The following NBEAL1 variants were observed in gnomAD, a reference collection of about 807,000 sequenced individuals.
The protein encoded by NBEAL1 is neurobeachin-like protein 1.
NBEAL1 carries 273 observed loss-of-function variants against 351.3 expected under a neutral mutation model. That is an observed-to-expected ratio of 0.78 (90% CI 0.70 to 0.86). The LOEUF (loss-of-function observed/expected upper bound fraction) is 0.86, where lower values mean the gene tolerates loss of function less well. NBEAL1 is among the 40% of genes least tolerant of loss of function. The pLI, the probability that NBEAL1 is intolerant of heterozygous loss-of-function variation, is 0.00. For missense variants in NBEAL1, 2,961 were observed against 3,201.3 expected, an observed-to-expected ratio of 0.92 and a Z score of 1.81; for synonymous variants, 1,050 against 1,086.4, an observed-to-expected ratio of 0.97 and a Z score of 0.66.
At chr2:203,142,653 A>G (rs1186831488) in intron 31 of NBEAL1, among the ~76,000 whole-genome samples, 2 of 152,252 alleles carry the variant, frequency 1.3e-5, no homozygotes, top group African/African-American at 2.4e-5. Flanking sequence ...ATTTAATTTA[A>G]TGACATTAAG....
chr2:203,209,331 C>A lies in NBEAL1; in HGVS notation c.7785+9C>A, dbSNP rs2065706215. ...AAAAGACCACCCTCAAGGTATATGA[C>A]CTTTCATGCAATAGAGGTAGACTCC... On this transcript the variant is annotated intron_variant, in intron 53 of 55. Coordinates refer to ENST00000683969, the MANE Select transcript of NBEAL1 (RefSeq NM_001378026.1). 2.5e-6 allele frequency: 4 copies of A among 1,607,750 alleles called. No individual in the cohort carries two copies. Among genetic ancestry groups the A allele is most frequent in the Non-Finnish European group, 3.4e-6 (4 of 1,174,726 alleles).
chr2:203,021,261 C>T (rs1054384632), intron 2 of NBEAL1, among the ~76,000 whole-genome samples: 1 of 151,480 alleles, frequency 6.6e-6, no homozygotes, highest in Non-Finnish European at 1.5e-5. Flanking sequence ...GGATTACAGG[C>T]GTGAGCCACT....
At chr2:203,020,918 GT>G (rs1041423246) in intron 2 of NBEAL1, among the ~76,000 whole-genome samples, 2 of 152,066 alleles carry the variant, frequency 1.3e-5, no homozygotes, top group Admixed American at 1.3e-4. Flanking sequence ...TAAGTATACA[GT>G]TTTTTGTTTG....
chr2:203,172,626 G>A (rs1326969186), intron 40 of NBEAL1, 103 bp from the exon 41 acceptor site: 16 of 975,446 alleles, frequency 1.6e-5, no homozygotes, highest in Non-Finnish European at 2.3e-5. Context: ...AATATTTTTA[G>A]AGACTATCCC....
chr2:203,093,371 A>T (rs919386749), intron 10 of NBEAL1, among the ~76,000 whole-genome samples: 4 of 152,146 alleles, frequency 2.6e-5, no homozygotes, highest in African/African-American at 9.7e-5. Context: ...TCTGATATGA[A>T]TATCTTTTTA....
intron 55 of NBEAL1, among the ~76,000 whole-genome samples, chr2:203,215,266 C>T (rs1380450268): frequency 3.9e-5 from 6 of 151,956 alleles, no homozygotes; most frequent in East Asian, 1.9e-4. Context: ...TTTGGGAGGC[C>T]GAGGTGGGCG....
chr2:203,104,192 A>T (rs888245417), intron 12 of NBEAL1, among the ~76,000 whole-genome samples: 1 of 151,948 alleles, frequency 6.6e-6, no homozygotes, highest in African/African-American at 2.4e-5. Flanking sequence ...GTCCAAGTAT[A>T]CTGTAGGTCT....
chr2:203,117,578 T>G (rs2062728949), intron 18 of NBEAL1, among the ~76,000 whole-genome samples: 1 of 152,214 alleles, frequency 6.6e-6, no homozygotes, highest in Non-Finnish European at 1.5e-5. Context: ...TCCCAGTTCT[T>G]TTGTTTCTCC....
chr2:203,166,580 C>G (rs2064138881), intron 37 of NBEAL1, among the ~76,000 whole-genome samples: 1 of 152,088 alleles, frequency 6.6e-6, no homozygotes, highest in African/African-American at 2.4e-5. Context: ...GAGTTCCACT[C>G]TTGTTGCCCA....
At chr2:203,191,599 T>C (rs2065090976) in intron 46 of NBEAL1, among the ~76,000 whole-genome samples, 1 of 152,208 alleles carries the variant, frequency 6.6e-6, no homozygotes, top group Non-Finnish European at 1.5e-5. Flanking sequence ...GTTTGTTAGG[T>C]ACTTTACCTA....
chr2:203,136,752 C>G lies in NBEAL1; in HGVS notation c.4543C>G (p.Pro1515Ala). ...KPGISSELLR[P>A]SDEIKLTLLQ... ...AGGAATATCCAGTGAACTACTTCGA[C>G]CATCAGATGAAATAAAACTAACGTA... The change falls in exon 29 of 56, where the codon CCA becomes GCA. Residue 1515 changes from proline (P) to alanine (A), a missense_variant. Coordinates refer to ENST00000683969, the MANE Select transcript of NBEAL1 (RefSeq NM_001378026.1). The G allele has an allele frequency of 2.5e-6, 4 of 1,612,894 alleles. No homozygotes were observed. Among genetic ancestry groups the G allele is most frequent in the Non-Finnish European group, 3.4e-6 (4 of 1,179,560 alleles).
chr2:203,087,090 C>CTTTTTT (rs1003638123), intron 10 of NBEAL1, among the ~76,000 whole-genome samples: 2 of 121,048 alleles, frequency 1.7e-5, no homozygotes, highest in Non-Finnish European at 3.5e-5. Context: ...CTTTTTCACT[C>CTTTTTT]TTTTTTTTTT....
intron 50 of NBEAL1, 90 bp from the exon 51 acceptor site, chr2:203,202,597 G>A: frequency 1.3e-6 from 1 of 759,362 alleles, no homozygotes; most frequent in Admixed American, 1.9e-5. Context: ...AACTGATTTA[G>A]GAATAGTTTG....
At chr2:203,137,985 C>T (rs1242293810) in intron 29 of NBEAL1, among the ~76,000 whole-genome samples, 177 bp from the exon 30 acceptor site, 2 of 109,676 alleles carry the variant, frequency 1.8e-5, no homozygotes, top group African/African-American at 6.0e-5. Context: ...CTCTGCACTC[C>T]GTCTCAAAAA....
intron 46 of NBEAL1, chr2:203,191,318 T>TTA: frequency 4.2e-5 from 18 of 425,944 alleles, no homozygotes; most frequent in Middle Eastern, 6.0e-4. Context: ...ATTTGACAAC[T>TTA]GAAAAAAAAA....
At chr2:203,128,854 C>G (rs1160607375) in intron 24 of NBEAL1, among the ~76,000 whole-genome samples, 2 of 152,108 alleles carry the variant, frequency 1.3e-5, no homozygotes. Flanking sequence ...CCTCGGCCTC[C>G]CAAAGTGCTG....
intron 3 of NBEAL1, among the ~76,000 whole-genome samples, chr2:203,044,386 A>C (rs752455750): frequency 6.6e-6 from 1 of 152,194 alleles, no homozygotes; most frequent in Non-Finnish European, 1.5e-5. Context: ...CTTGCTTTAA[A>C]TCATGGAGCT....
intron 3 of NBEAL1, among the ~76,000 whole-genome samples, chr2:203,043,952 T>A (rs1278298871): frequency 6.6e-6 from 1 of 152,068 alleles, no homozygotes; most frequent in Admixed American, 6.6e-5. Flanking sequence ...ACTTTGACTT[T>A]TTTGTTGTTG....
In NBEAL1 at chr2:203,193,798, C is replaced by G; in HGVS notation, c.6925C>G (p.Pro2309Ala). 6.2e-7 allele frequency: 1 copy of G among 1,607,224 alleles called. No homozygotes were observed. Among genetic ancestry groups the G allele is most frequent in the East Asian group, 2.2e-5 (1 of 44,656 alleles). Residue 2309 changes from proline (P) to alanine (A), a missense_variant, in exon 47 of 56, where the codon CCA becomes GCA. By Grantham distance (27) the Pro-to-Ala change is conservative. Coordinates refer to ENST00000683969, the MANE Select transcript of NBEAL1 (RefSeq NM_001378026.1). ...GQTPCQLLKEPHPPRLSAEEA... is the reference protein window; with the variant it reads ...GQTPCQLLKEAHPPRLSAEEA... ...TTTCCTTAAAATTATTTTGAAGGAACCACACCCTCCAAGATTATCAGCAGA... is the reference window on the plus strand; with the variant it reads ...TTTCCTTAAAATTATTTTGAAGGAAGCACACCCTCCAAGATTATCAGCAGA...
Sources: allele counts gnomAD v4.1 joint callset (sites outside exome capture counted in the v4.1 genomes callset), GRCh38; gene constraint gnomAD v4.1.1; transcripts MANE v1.5; gene names NCBI Gene and HGNC (gene_info 2026-07-23, HGNC 2026-07-21).